CAMTA1: variants seen among roughly 807,000 people sequenced by gnomAD.
CAMTA1 encodes the protein calmodulin-binding transcription activator 1.
Under a neutral mutation model 170.9 loss-of-function variants are expected in CAMTA1, and 27 were observed. The ratio of observed to expected loss-of-function variants is 0.16; its 90% CI spans 0.12 to 0.22. The LOEUF (loss-of-function observed/expected upper bound fraction) is 0.22. Among genes scored for constraint, CAMTA1 ranks in the 10% least tolerant of loss-of-function variants. The probability of loss-of-function intolerance (pLI) is 1.00; values close to 1 mark genes in which losing one functional copy is unlikely to be tolerated. For synonymous variants in CAMTA1, 833 were observed against 891.5 expected, an observed-to-expected ratio of 0.93 and a Z score of 1.17; for missense variants, 1,619 against 2,217.2, an observed-to-expected ratio of 0.73 and a Z score of 5.42.
At chr1:7,267,438 A>G (rs997982299) in intron 5 of CAMTA1, among the ~76,000 whole-genome samples, 1 of 152,182 alleles carries the variant, frequency 6.6e-6, no homozygotes, top group Non-Finnish European at 1.5e-5. Flanking sequence ...TTTCTGGGTC[A>G]ATGATTCTGC....
At chr1:7,345,405 A>G (rs2084152902) in intron 5 of CAMTA1, among the ~76,000 whole-genome samples, 1 of 152,316 alleles carries the variant, frequency 6.6e-6, no homozygotes, top group Admixed American at 6.5e-5. Flanking sequence ...TGTTGTTGTT[A>G]ACCCCTTTGG....
At chr1:7,176,450 T>A (rs1650845855) in intron 4 of CAMTA1, among the ~76,000 whole-genome samples, 1 of 152,194 alleles carries the variant, frequency 6.6e-6, no homozygotes, top group Non-Finnish European at 1.5e-5. Flanking sequence ...GAACAATGCC[T>A]TTATGTTCTG....
chr1:7,209,781 T>C (rs1377024056), intron 4 of CAMTA1, among the ~76,000 whole-genome samples: 2 of 152,222 alleles, frequency 1.3e-5, no homozygotes, highest in Non-Finnish European at 1.5e-5. Context: ...CAGGAAAGAA[T>C]AGAGAATTCT....
chr1:6,805,554 G>A (rs774526217), intron 1 of CAMTA1, among the ~76,000 whole-genome samples: 1 of 152,196 alleles, frequency 6.6e-6, no homozygotes, highest in African/African-American at 2.4e-5. Context: ...CACCCAGGCA[G>A]GAGTGTAGTG....
intron 6 of CAMTA1, among the ~76,000 whole-genome samples, chr1:7,526,955 A>AC (rs2094438776): frequency 1.3e-5 from 2 of 152,164 alleles, no homozygotes; most frequent in Non-Finnish European, 2.9e-5. Flanking sequence ...CTGTGTTTCC[A>AC]AGAAAGCAGC....
intron 5 of CAMTA1, among the ~76,000 whole-genome samples, chr1:7,318,693 G>T (rs1677907623): frequency 6.6e-6 from 1 of 152,214 alleles, no homozygotes; most frequent in Non-Finnish European, 1.5e-5. Context: ...AAATGTTGCA[G>T]AGGGAGAACC....
chr1:7,125,327 C>G (rs1644869081), intron 4 of CAMTA1, among the ~76,000 whole-genome samples: 2 of 152,166 alleles, frequency 1.3e-5, no homozygotes, highest in Non-Finnish European at 2.9e-5. Context: ...TTCATCCATT[C>G]ATCAGGTGTT....
chr1:7,484,864 C>T (rs923002222), intron 6 of CAMTA1, among the ~76,000 whole-genome samples: 3 of 152,156 alleles, frequency 2.0e-5, no homozygotes, highest in Non-Finnish European at 4.4e-5. Context: ...CTGATAGAGC[C>T]GCCCGTGCTG....
intron 11 of CAMTA1, among the ~76,000 whole-genome samples, chr1:7,707,656 C>T (rs746084943): frequency 1.1e-4 from 16 of 152,100 alleles, no homozygotes; most frequent in Non-Finnish European, 2.1e-4. Flanking sequence ...AGATCACAGG[C>T]GTGATGGTGG....
chr1:7,150,083 C>T (rs1387765698), intron 4 of CAMTA1, among the ~76,000 whole-genome samples: 1 of 152,202 alleles, frequency 6.6e-6, no homozygotes, highest in Non-Finnish European at 1.5e-5. Flanking sequence ...CCAGCGGCCT[C>T]CCTGGAGGAG....
At chr1:7,644,018 C>CG (rs1291425214) in intron 7 of CAMTA1, among the ~76,000 whole-genome samples, 1 of 152,226 alleles carries the variant, frequency 6.6e-6, no homozygotes, top group African/African-American at 2.4e-5. Flanking sequence ...TCACATAAAT[C>CG]GCGTGCCTTC....
chr1:6,908,378 C>T (rs1679008653), intron 3 of CAMTA1, among the ~76,000 whole-genome samples: 1 of 152,210 alleles, frequency 6.6e-6, no homozygotes, highest in Non-Finnish European at 1.5e-5. Context: ...AGTTTATCTC[C>T]TGGCTCTGGA....
chr1:6,985,156 T>C (rs1695147859), intron 3 of CAMTA1, among the ~76,000 whole-genome samples: 1 of 152,090 alleles, frequency 6.6e-6, no homozygotes, highest in Admixed American at 6.5e-5. Flanking sequence ...GAGCTGTGAG[T>C]GTAGGGGGCG....
chr1:6,865,261 G>C (rs954716957), intron 3 of CAMTA1, among the ~76,000 whole-genome samples: 2 of 152,304 alleles, frequency 1.3e-5, no homozygotes, highest in East Asian at 3.9e-4. Flanking sequence ...GGTGGGTACA[G>C]TAGTGGATCT....
intron 6 of CAMTA1, among the ~76,000 whole-genome samples, chr1:7,491,166 C>T (rs2093697459): frequency 6.6e-6 from 1 of 152,166 alleles, no homozygotes; most frequent in Non-Finnish European, 1.5e-5. Flanking sequence ...CTGTACAGCA[C>T]CCTGAGAGAC....
chr1:7,309,405 T>A (rs1676111047), intron 5 of CAMTA1, among the ~76,000 whole-genome samples: 1 of 147,636 alleles, frequency 6.8e-6, no homozygotes, highest in Admixed American at 6.9e-5. Flanking sequence ...GTTCAAGCAA[T>A]TCTCGTGCCT....
Position 7,738,141 on chromosome 1 carries a change from C to T in CAMTA1, c.3841C>T (p.Gln1281Ter). Residue 1281 changes from glutamine (Q) to a stop codon, truncating the protein, a stop_gained, in exon 16 of 23, where the codon CAG (glutamine) becomes TAG (stop). Transcript: ENST00000303635. LOFTEE classifies it high-confidence loss of function. This position sits in a 1 kb window ranked among gnomAD's most constrained non-coding sequence, Gnocchi z 4.9. Reference protein sequence around the residue: ...NIRKQSPSSKQSVPETLSPSE... With the variant: ...NIRKQSPSSK ...CAGGAAGCAAAGCCCTAGTTCTAAG[C>T]AGTCTGTCCCCGAGACACTCAGCCC... 1 of 1,614,112 alleles carries T rather than the reference C, an allele frequency of 6.2e-7. No homozygotes were observed. The highest frequency in any genetic ancestry group is 8.5e-7 in the Non-Finnish European group (1 of 1,180,002).
At chr1:7,035,743 A>G (rs1323308989) in intron 3 of CAMTA1, among the ~76,000 whole-genome samples, 1 of 152,244 alleles carries the variant, frequency 6.6e-6, no homozygotes, top group Non-Finnish European at 1.5e-5. Context: ...TACTCTACAG[A>G]CAGCCTTGTA....
intron 22 of CAMTA1, among the ~76,000 whole-genome samples, chr1:7,764,923 G>A (rs2097006818): frequency 6.6e-6 from 1 of 151,440 alleles, no homozygotes; most frequent in Admixed American, 6.6e-5. Context: ...TCGCACCACT[G>A]CACTCCAGCC....
Sources: allele counts gnomAD v4.1 joint callset (sites outside exome capture counted in the v4.1 genomes callset), GRCh38; gene constraint gnomAD v4.1.1; non-coding constraint Gnocchi (gnomAD v3.1); transcripts MANE v1.5; gene names NCBI Gene and HGNC (gene_info 2026-07-23, HGNC 2026-07-21).